Variants in EIF4ENIF1 observed in about 807,000 individuals in gnomAD.
The protein encoded by EIF4ENIF1 is eukaryotic translation initiation factor 4E transporter.
In EIF4ENIF1, 23 loss-of-function variants were observed where a neutral mutation model predicts 110.5. The observed-to-expected ratio is 0.21, with a 90% CI of 0.15 to 0.29. The LOEUF (loss-of-function observed/expected upper bound fraction) is 0.29. Among genes scored for constraint, EIF4ENIF1 ranks in the 10% least tolerant of loss-of-function variants. The pLI is 1.00. For missense variants in EIF4ENIF1, 1,031 were observed against 1,221.1 expected, an observed-to-expected ratio of 0.84 and a Z score of 2.32; for synonymous variants, 440 against 437.0, an observed-to-expected ratio of 1.01 and a Z score of -0.09.
In EIF4ENIF1 at chr22:31,442,134, CA is replaced by C; in HGVS notation, c.2207-17del. 6.3e-7 allele frequency: 1 copy of C among 1,578,526 alleles called. No individual in the cohort carries two copies. The highest frequency in any genetic ancestry group is 8.6e-7 in the Non-Finnish European group (1 of 1,160,040). On this transcript the variant is annotated splice_polypyrimidine_tract_variant and intron_variant, in intron 16 of 18. Coordinates refer to ENST00000330125, the MANE Select transcript of EIF4ENIF1 (RefSeq NM_019843.4). ...AGGAGGTTTTCTGTGAGGAACCAAA[CA>C]AAAAATATTTTGGCAAACCTCTCCC...
intron 2 of EIF4ENIF1, among the ~76,000 whole-genome samples, chr22:31,482,830 T>C (rs961886019): frequency 1.3e-5 from 2 of 151,148 alleles, no homozygotes; most frequent in Admixed American, 1.3e-4. Context: ...GAGACCATCC[T>C]GGCCAACATG....
At chr22:31,470,406 G>A (rs1601622457) in intron 3 of EIF4ENIF1, among the ~76,000 whole-genome samples, 1 of 151,468 alleles carries the variant, frequency 6.6e-6, no homozygotes. Context: ...TCAGCCTCCC[G>A]AGTAGCTGGG....
intron 2 of EIF4ENIF1, among the ~76,000 whole-genome samples, chr22:31,472,532 G>C (rs2146038276): frequency 6.6e-6 from 1 of 152,306 alleles, no homozygotes; most frequent in South Asian, 2.1e-4. Flanking sequence ...GCCTCCCAAA[G>C]TGCTGGGATT....
chr22:31,442,020 T>C lies in EIF4ENIF1; in HGVS notation c.2305A>G (p.Thr769Ala). The change falls in exon 17 of 19, where the codon ACC becomes GCC. Residue 769 changes from threonine to alanine, a missense_variant. By Grantham distance (58) the Thr-to-Ala change is moderately conservative (BLOSUM62 0). Around this residue, in one of 3 missense-constraint regions of EIF4ENIF1, gnomAD observed 309 missense variants for 299.1 expected, o/e 1.03. Transcript: ENST00000330125. Reference sequence around the variant, plus strand: ...TAACGGTTGGCCTGGGACAGTGGGGTGGAACACGAAGACCTCTGTAATGCT... The same window carrying C: ...TAACGGTTGGCCTGGGACAGTGGGGCGGAACACGAAGACCTCTGTAATGCT... ...LSALQRSSCS[T>A]PLSQANRYTK... The C allele has an allele frequency of 6.2e-7, 1 of 1,614,018 alleles. No homozygotes were observed. Among genetic ancestry groups the C allele is most frequent in the East Asian group, 2.2e-5 (1 of 44,878 alleles).
At chr22:31,483,469 C>A (rs2051904617) in intron 2 of EIF4ENIF1, among the ~76,000 whole-genome samples, 1 of 152,008 alleles carries the variant, frequency 6.6e-6, no homozygotes. Flanking sequence ...TCCCTAACTG[C>A]TGGGATTACA....
chr22:31,477,372 AAAC>A (rs1180574509), intron 2 of EIF4ENIF1, among the ~76,000 whole-genome samples: 1 of 83,812 alleles, frequency 1.2e-5, no homozygotes, highest in Non-Finnish European at 2.4e-5. Context: ...AAAAAAAAAA[AAAC>A]AAAAAAAACA....
intron 12 of EIF4ENIF1, among the ~76,000 whole-genome samples, chr22:31,448,796 C>G (rs2050557386): frequency 6.6e-6 from 1 of 152,138 alleles, no homozygotes; most frequent in Admixed American, 6.5e-5. Flanking sequence ...AACTCAATAG[C>G]TTCATAGATA....
At position 31,458,665 on chromosome 22, in the gene EIF4ENIF1, A is replaced by T; in HGVS notation, c.788-15T>A. ...CTCTACTATACCTGAAAGCAAAACC[A>T]GGACAAAAACCGTCTGATAAGTAAA... On this transcript the variant is annotated splice_polypyrimidine_tract_variant and intron_variant, in intron 6 of 18. Coordinates refer to ENST00000330125, the MANE Select transcript of EIF4ENIF1 (RefSeq NM_019843.4). 1 of 1,565,838 alleles carries T rather than the reference A, an allele frequency of 6.4e-7. No individual in the cohort carries two copies. The highest frequency in any genetic ancestry group is 8.7e-7 in the Non-Finnish European group (1 of 1,152,252).
chr22:31,463,032 C>T lies in EIF4ENIF1; in HGVS notation c.687G>A (p.Gln229=), dbSNP rs994542838. The T allele has an allele frequency of 1.1e-5, 17 of 1,614,064 alleles. No homozygotes were observed. In the African/African-American group the frequency reaches 2.0e-4, roughly 19 times the overall value. ...AGCCAGTCAGTTCGATGGTTTCAGA[C>T]TGACTTGTGGGTCCAGCAGAGAACC... The part of the protein sequence containing the change: ...PEWFSAGPTS[Q]SETIELTGFD... Residue 229 remains glutamine, a synonymous_variant, in exon 6 of 19, where the codon CAG becomes CAA. Coordinates refer to ENST00000330125, the MANE Select transcript of EIF4ENIF1 (RefSeq NM_019843.4).
Position 31,450,795 on chromosome 22 carries a change from T to C in EIF4ENIF1, c.1513-435A>G, listed in dbSNP as rs539744824. Reference sequence around the variant, plus strand: ...ACATATATACACACACATATACACATATACATACACATACATATACACACA... The same window carrying C: ...ACATATATACACACACATATACACACATACATACACATACATATACACACA... On this transcript the variant is annotated intron_variant, in intron 10 of 18. Coordinates refer to ENST00000330125, the MANE Select transcript of EIF4ENIF1 (RefSeq NM_019843.4). The C allele has an allele frequency of 2.5e-3, 519 of 205,560 alleles. 1 individual carries two copies. Among genetic ancestry groups the C allele is most frequent in the Non-Finnish European group, 2.5e-3 (256 of 101,996 alleles). 12.7% of individuals were successfully genotyped at this position (205,560 alleles called of 1,614,324 possible). A position where few individuals can be genotyped will look rare whatever the true frequency, so the allele number is the denominator to read the frequency against.
downstream of EIF4ENIF1, chr22:31,437,569 C>T (rs2050190994): frequency 6.6e-6 from 1 of 151,502 alleles, no homozygotes; most frequent in African/African-American, 2.4e-5. Context: ...CCTTCTGGCG[C>T]CATTTGCCAA....
At chr22:31,461,092 A>C (rs1165171443) in intron 6 of EIF4ENIF1, among the ~76,000 whole-genome samples, 1 of 152,220 alleles carries the variant, frequency 6.6e-6, no homozygotes, top group African/African-American at 2.4e-5. Flanking sequence ...TGATGGGTAC[A>C]TGTGTTCTTC....
At chr22:31,461,439 G>T (rs2050990457) in intron 6 of EIF4ENIF1, among the ~76,000 whole-genome samples, 1 of 151,910 alleles carries the variant, frequency 6.6e-6, no homozygotes, top group African/African-American at 2.4e-5. Flanking sequence ...AGGAAACTAG[G>T]TTTTTTTGGT....
intron 2 of EIF4ENIF1, among the ~76,000 whole-genome samples, chr22:31,477,838 C>T (rs1053011130): frequency 1.2e-4 from 18 of 152,168 alleles, no homozygotes; most frequent in African/African-American, 4.3e-4. Context: ...TCACTGTAAA[C>T]ATCTAGGTAA....
At chr22:31,475,699 G>C (rs957774617) in intron 2 of EIF4ENIF1, among the ~76,000 whole-genome samples, 11 of 150,614 alleles carry the variant, frequency 7.3e-5, no homozygotes, top group Admixed American at 1.3e-4. Context: ...CTCCAGCCTG[G>C]GTGACAGAGC....
rs1292206696 is a variant in EIF4ENIF1, at chr22:31,460,628, C to CA, written c.788-1979dup. Among the ~76,000 whole-genome samples, 65 of 125,698 alleles carry CA rather than the reference C, an allele frequency of 5.2e-4. No individual in the cohort carries two copies. The East Asian group carries it at 5.2e-3, about 10-fold the overall frequency. The allele number at this position is 125,698 out of a possible 152,430, so 82.5% of individuals were successfully genotyped here. On this transcript the variant is annotated intron_variant, in intron 6 of 18. Coordinates refer to ENST00000330125, the MANE Select transcript of EIF4ENIF1 (RefSeq NM_019843.4). ...TGGGTGACAGAGCGAGACTCCGTCTCAAAAAAAAAAGAAAATTAATTAAAA... is the reference window on the plus strand; with the variant it reads ...TGGGTGACAGAGCGAGACTCCGTCTCAAAAAAAAAAAGAAAATTAATTAAAA...
In EIF4ENIF1 at chr22:31,459,076, C is replaced by A. The variant is rs550016416; in HGVS notation, c.788-426G>T. Among the ~76,000 whole-genome samples, 185 of 151,940 alleles carry A rather than the reference C, an allele frequency of 1.2e-3. 3 individuals carry two copies. In the South Asian group the frequency reaches 0.033, roughly 28 times the overall value. On this transcript the variant is annotated intron_variant, in intron 6 of 18. Transcript: ENST00000330125. ...CAGAGTATCTGGGACCACAGGTGCACACCACCATGCCTGGATAATTTTTTA... is the reference window on the plus strand; with the variant it reads ...CAGAGTATCTGGGACCACAGGTGCAAACCACCATGCCTGGATAATTTTTTA...
Position 31,453,613 on chromosome 22 carries a change from T to C in EIF4ENIF1, c.1512+531A>G, listed in dbSNP as rs145157440. On this transcript the variant is annotated intron_variant, in intron 10 of 18. Coordinates refer to ENST00000330125, the MANE Select transcript of EIF4ENIF1 (RefSeq NM_019843.4). Reference sequence around the variant, plus strand: ...GTCTCAAACTCCTGACTTCAGGTGATCTGCCTGCCTCAGCCTCCCAAAGTG... The same window carrying C: ...GTCTCAAACTCCTGACTTCAGGTGACCTGCCTGCCTCAGCCTCCCAAAGTG... 4.7e-3 allele frequency among the ~76,000 whole-genome samples: 713 copies of C among 152,280 alleles called. 5 individuals are homozygous for C. The highest frequency in any genetic ancestry group is 6.6e-3 in the Non-Finnish European group (448 of 68,022).
At chr22:31,449,592 A>C (rs2050585876) in intron 11 of EIF4ENIF1, 61 bp from the exon 12 acceptor site, 2 of 1,507,458 alleles carry the variant, frequency 1.3e-6, no homozygotes, top group Non-Finnish European at 1.8e-6. Context: ...AGAGGCTGTG[A>C]ATTATGGATT....
Sources: allele counts gnomAD v4.1 joint callset (sites outside exome capture counted in the v4.1 genomes callset), GRCh38; gene constraint gnomAD v4.1.1; regional missense constraint gnomAD v4.1.1; transcripts MANE v1.5; gene names NCBI Gene and HGNC (gene_info 2026-07-23, HGNC 2026-07-21).